The following CLCN3 variants were observed in gnomAD, a reference collection of about 807,000 sequenced individuals.
The protein encoded by CLCN3 is H(+)/Cl(-) exchange transporter 3.
Under a neutral mutation model 83.4 loss-of-function variants are expected in CLCN3, and 16 were observed. The observed-to-expected ratio is 0.19, with a 90% CI of 0.13 to 0.29. CLCN3 has a LOEUF of 0.29. Ranked by LOEUF, CLCN3 falls within the 10% of genes least tolerant of loss-of-function variation. The probability of loss-of-function intolerance (pLI) is 1.00; values close to 1 mark genes in which losing one functional copy is unlikely to be tolerated. For synonymous variants in CLCN3, 322 were observed against 346.2 expected (o/e 0.93, Z 0.78); for missense variants, 544 against 1,006.0 (o/e 0.54, Z 6.21).
rs768944734 is a variant in CLCN3 at position 169,714,237 on chromosome 4, C to T, written c.2366+942C>T. On this transcript the variant is annotated intron_variant, in intron 12 of 12. Coordinates refer to ENST00000513761, the MANE Select transcript of CLCN3 (RefSeq NM_001829.4). Reference sequence around the variant, plus strand: ...AAACTGGATGGCTAATCCTGAACAGCGTAAAGCTGGTTGAAATTCTAAACA... The same window carrying T: ...AAACTGGATGGCTAATCCTGAACAGTGTAAAGCTGGTTGAAATTCTAAACA... Among the ~76,000 whole-genome samples, 4 of 151,186 alleles carry T rather than the reference C, an allele frequency of 2.6e-5. No homozygotes were observed. In the South Asian group the frequency reaches 6.3e-4, roughly 24 times the overall value.
rs192862622 is a variant in CLCN3, at chr4:169,722,337, T to G, written c.*2340T>G. Reference sequence around the variant, plus strand: ...AGCTGTGCTATCTGCCTAAAATTATTCCTTATTACTTCTCTCCTTTGACAG... The same window carrying G: ...AGCTGTGCTATCTGCCTAAAATTATGCCTTATTACTTCTCTCCTTTGACAG... On this transcript the variant is annotated 3_prime_UTR_variant, in exon 13 of 13. Coordinates refer to ENST00000513761, the MANE Select transcript of CLCN3 (RefSeq NM_001829.4). 30 of 152,382 alleles carry G rather than the reference T, an allele frequency of 2.0e-4. No homozygotes were observed. Among genetic ancestry groups the G allele is most frequent in the African/African-American group, 7.0e-4 (29 of 41,592 alleles). 9.4% of individuals were successfully genotyped at this position (152,382 alleles called of 1,614,324 possible). A position where few individuals can be genotyped will look rare whatever the true frequency, so the allele number is the denominator to read the frequency against.
At chr4:169,627,607 C>G (rs1288824138) in intron 1 of CLCN3, among the ~76,000 whole-genome samples, 1 of 151,980 alleles carries the variant, frequency 6.6e-6, no homozygotes, top group African/African-American at 2.4e-5. Context: ...CAAAAACTAG[C>G]TTTGAATACT....
chr4:169,719,410 G>C (rs1733548465), intron 12 of CLCN3, among the ~76,000 whole-genome samples: 3 of 152,218 alleles, frequency 2.0e-5, no homozygotes, highest in African/African-American at 4.8e-5. Context: ...GTTGCAGTGA[G>C]CTGAGATCGC....
chr4:169,636,450 A>G (rs1773505039), intron 2 of CLCN3, among the ~76,000 whole-genome samples: 2 of 152,208 alleles, frequency 1.3e-5, no homozygotes, highest in Non-Finnish European at 2.9e-5. Flanking sequence ...TCCTCAATCA[A>G]GAAGTAAAAC....
rs934062709 is a variant in CLCN3 at position 169,721,872 on chromosome 4, T to TGG, written c.*1878_*1879dup. 6.6e-6 allele frequency: 1 copy of TGG among 152,104 alleles called. No individual in the cohort carries two copies. The highest frequency in any genetic ancestry group is 2.4e-5 in the African/African-American group (1 of 41,412). 9.4% of individuals were successfully genotyped at this position (152,104 alleles called of 1,614,324 possible). On this transcript the variant is annotated 3_prime_UTR_variant, in exon 13 of 13. Transcript: ENST00000513761. ...TTCTTTTTTTTTGGCTGGAGTGCAG[T>TGG]GGGGCATGGTCTTGGCTCACTGCAG...
At chr4:169,671,251 G>A (rs937898999) in intron 2 of CLCN3, among the ~76,000 whole-genome samples, 40 of 152,210 alleles carry the variant, frequency 2.6e-4, no homozygotes, top group African/African-American at 9.2e-4. Context: ...TATATACCAT[G>A]GAATACTATG....
chr4:169,652,150 G>A (rs1001476843), intron 2 of CLCN3, among the ~76,000 whole-genome samples: 2 of 152,144 alleles, frequency 1.3e-5, no homozygotes, highest in Non-Finnish European at 2.9e-5. Flanking sequence ...AGACAATAAA[G>A]CATAACCATA....
At position 169,707,230 on chromosome 4, in the gene CLCN3, G is replaced by C; in HGVS notation, c.2113G>C (p.Gly705Arg). 1 of 1,612,564 alleles carries C rather than the reference G, an allele frequency of 6.2e-7. No individual in the cohort carries two copies. Among genetic ancestry groups the C allele is most frequent in the East Asian group, 2.2e-5 (1 of 44,866 alleles). ...GTCAAAAGAATCTCAGAGATTAGTGGGATTTGCCCTCAGAAGAGACCTGAC... is the reference window on the plus strand; with the variant it reads ...GTCAAAAGAATCTCAGAGATTAGTGCGATTTGCCCTCAGAAGAGACCTGAC... ...IMSKESQRLV[G>R]FALRRDLTIA... Residue 705 changes from glycine (G) to arginine (R), a missense_variant, in exon 11 of 13, where the codon GGA (glycine) becomes CGA (arginine). By Grantham distance (125) the Gly-to-Arg change is moderately radical. This residue lies in a region of CLCN3 where 142 missense variants were observed against 225.0 expected (regional missense o/e 0.63). Transcript: ENST00000513761.
chr4:169,654,689 CATT>C (rs1356368371), intron 2 of CLCN3, among the ~76,000 whole-genome samples: 5 of 152,106 alleles, frequency 3.3e-5, no homozygotes, highest in African/African-American at 1.2e-4. Flanking sequence ...TTATTTATAA[CATT>C]ATTGCATCGC....
At chr4:169,623,817 TA>T in intron 1 of CLCN3, among the ~76,000 whole-genome samples, 1 of 152,192 alleles carries the variant, frequency 6.6e-6, no homozygotes, top group East Asian at 1.9e-4. Context: ...TCCTCCGGGT[TA>T]ATCTACGTTT....
At chr4:169,698,798 A>G (rs1398447844) in intron 9 of CLCN3, among the ~76,000 whole-genome samples, 1 of 152,208 alleles carries the variant, frequency 6.6e-6, no homozygotes, top group East Asian at 1.9e-4. Flanking sequence ...AGGTGTTCGT[A>G]GGGCATTCTG....
At chr4:169,718,895 C>G (rs541332472) in intron 12 of CLCN3, among the ~76,000 whole-genome samples, 55 of 152,268 alleles carry the variant, frequency 3.6e-4, no homozygotes, top group African/African-American at 1.2e-3. Context: ...TGATTTTTCA[C>G]CTATCTTTTA....
At chr4:169,717,911 C>T in intron 12 of CLCN3, 1 of 1,342,876 alleles carries the variant, frequency 7.4e-7, no homozygotes, top group Non-Finnish European at 1.1e-6. Flanking sequence ...CCTTAGAAGT[C>T]AGGAAGCATG....
intron 2 of CLCN3, among the ~76,000 whole-genome samples, chr4:169,641,317 T>C (rs1275482223): frequency 6.6e-6 from 1 of 152,194 alleles, no homozygotes; most frequent in Non-Finnish European, 1.5e-5. Context: ...TGAGGTTTTC[T>C]GATTTATTGG....
chr4:169,671,032 A>C (rs1731437808), intron 2 of CLCN3, among the ~76,000 whole-genome samples: 3 of 152,248 alleles, frequency 2.0e-5, no homozygotes, highest in Admixed American at 2.0e-4. Flanking sequence ...TGTGGAAGAC[A>C]GTATGGCGAT....
At chr4:169,671,039 C>T (rs1410475875) in intron 2 of CLCN3, among the ~76,000 whole-genome samples, 4 of 152,132 alleles carry the variant, frequency 2.6e-5, no homozygotes, top group African/African-American at 7.2e-5. Flanking sequence ...GACAGTATGG[C>T]GATTCCTCAA....
chr4:169,659,254 T>C (rs926205573), intron 2 of CLCN3, among the ~76,000 whole-genome samples: 20 of 152,216 alleles, frequency 1.3e-4, no homozygotes, highest in African/African-American at 4.1e-4. Context: ...TATTGAACTC[T>C]GATCTTCAAT....
chr4:169,702,777 CAAAAA>C (rs60812626), intron 9 of CLCN3: 24 of 246,362 alleles, frequency 9.7e-5, no homozygotes, highest in African/African-American at 1.6e-4. Context: ...CCCATCTCTA[CAAAAA>C]AAAAAAAAAA....
At chr4:169,703,093 C>G (rs914449323) in intron 9 of CLCN3, among the ~76,000 whole-genome samples, 1 of 152,142 alleles carries the variant, frequency 6.6e-6, no homozygotes, top group Non-Finnish European at 1.5e-5. Context: ...ACAACTGTAA[C>G]AGGAACATCA....
Sources: allele counts gnomAD v4.1 joint callset (sites outside exome capture counted in the v4.1 genomes callset), GRCh38; gene constraint gnomAD v4.1.1; regional missense constraint gnomAD v4.1.1; transcripts MANE v1.5; gene names NCBI Gene and HGNC (gene_info 2026-07-23, HGNC 2026-07-21).